SUGCT: variants seen among roughly 807,000 people sequenced by gnomAD.
SUGCT encodes succinyl-CoA:glutarate-CoA transferase.
In SUGCT, 41 loss-of-function variants were observed where a neutral mutation model predicts 55.0. The observed-to-expected ratio is 0.74, with a 90% CI of 0.58 to 0.97. The LOEUF is 0.97. Among genes scored for constraint, SUGCT ranks in the 50% least tolerant of loss-of-function variants. SUGCT has a pLI of 0.00. For missense variants in SUGCT, 568 were observed against 547.8 expected (o/e 1.04, Z -0.37); for synonymous variants, 187 against 200.4 (o/e 0.93, Z 0.56).
chr7:40,146,236 C>T (rs1788238543), intron 1 of SUGCT, among the ~76,000 whole-genome samples: 2 of 152,132 alleles, frequency 1.3e-5, no homozygotes, highest in Admixed American at 6.5e-5. Flanking sequence ...GGGCCATCCG[C>T]AGGTTACTGG....
chr7:40,179,676 T>C (rs1785090101), intron 1 of SUGCT, among the ~76,000 whole-genome samples: 1 of 152,218 alleles, frequency 6.6e-6, no homozygotes, highest in African/African-American at 2.4e-5. Flanking sequence ...CCAAGATGGC[T>C]TCATCCAGAT....
rs141037777 is a variant in SUGCT, at chr7:40,512,535, C to T, written c.1089+16149C>T. 3.0e-3 allele frequency among the ~76,000 whole-genome samples: 460 copies of T among 152,236 alleles called. 7 individuals are homozygous for T. The highest frequency in any genetic ancestry group is 0.028 in the East Asian group (147 of 5,188). ...ACTCAGTGGGTGACTTTGGGCATTA[C>T]TCAACTTCTATATGCCTCAGTTTTC... On this transcript the variant is annotated intron_variant, in intron 12 of 13. Coordinates refer to ENST00000335693, the MANE Select transcript of SUGCT (RefSeq NM_001193313.2).
the SUGCT span, among the ~76,000 whole-genome samples, chr7:41,016,922 A>G: frequency 2.6e-5 from 4 of 152,234 alleles, no homozygotes; most frequent in East Asian, 1.9e-4. Flanking sequence ...ATTCAATAGT[A>G]ACTACAAATC....
At chr7:40,174,240 C>T (rs1784817870) in intron 1 of SUGCT, among the ~76,000 whole-genome samples, 1 of 151,986 alleles carries the variant, frequency 6.6e-6, no homozygotes, top group Admixed American at 6.6e-5. Flanking sequence ...CCAGGCTGGT[C>T]TTGAACTCCT....
intron 11 of SUGCT, among the ~76,000 whole-genome samples, chr7:40,482,519 G>A (rs866213894): frequency 3.2e-4 from 49 of 151,734 alleles, no homozygotes; most frequent in Middle Eastern, 3.4e-3. Context: ...TAATAATTTG[G>A]TATTACTTTA....
intron 9 of SUGCT, among the ~76,000 whole-genome samples, chr7:40,394,793 T>A (rs1008900039): frequency 6.6e-6 from 1 of 152,246 alleles, no homozygotes; most frequent in African/African-American, 2.4e-5. Flanking sequence ...TTCTATTTTA[T>A]TTTTTATGCC....
At position 40,742,823 on chromosome 7, in the gene SUGCT, C is replaced by T. The variant is rs17171773; in HGVS notation, c.1090-6611C>T. 4.6e-3 allele frequency among the ~76,000 whole-genome samples: 704 copies of T among 152,272 alleles called. 21 individuals carry two copies. In the South Asian group the frequency reaches 0.073, roughly 16 times the overall value. On this transcript the variant is annotated intron_variant, in intron 12 of 13. Transcript: ENST00000335693. Reference sequence around the variant, plus strand: ...ATATATTCACTGTAAGTTTTGCCTTCAGTTATGTAACCTTTCAAATATTAT... The same window carrying T: ...ATATATTCACTGTAAGTTTTGCCTTTAGTTATGTAACCTTTCAAATATTAT...
intron 1 of SUGCT, among the ~76,000 whole-genome samples, chr7:40,174,016 C>G (rs1355720154): frequency 1.3e-5 from 2 of 150,752 alleles, no homozygotes; most frequent in African/African-American, 2.4e-5. Context: ...TCATGGCTCA[C>G]TGTATTTTTT....
chr7:40,721,088 T>A (rs1786305722), intron 12 of SUGCT, among the ~76,000 whole-genome samples: 1 of 152,244 alleles, frequency 6.6e-6, no homozygotes, highest in African/African-American at 2.4e-5. Flanking sequence ...AAGCCTTAAG[T>A]AAGCAGGTTC....
rs1562689549 is a variant in SUGCT at position 40,333,704 on chromosome 7, A to ATAT, written c.816+16849_816+16850insTAT. ...ATATATATATATATATATATATATA[A>ATAT]ATATTTATAAAATACACACATATAT... On this transcript the variant is annotated intron_variant, in intron 9 of 13. Coordinates refer to ENST00000335693, the MANE Select transcript of SUGCT (RefSeq NM_001193313.2). Among the ~76,000 whole-genome samples the ATAT allele has an allele frequency of 4.4e-3, 500 of 113,996 alleles. 8 individuals carry two copies. Among genetic ancestry groups the ATAT allele is most frequent in the Non-Finnish European group, 7.7e-3 (412 of 53,212 alleles). 74.8% of individuals were successfully genotyped at this position (113,996 alleles called of 152,430 possible).
chr7:41,016,728 G>T, the SUGCT span, among the ~76,000 whole-genome samples: 2 of 152,076 alleles, frequency 1.3e-5, no homozygotes, highest in South Asian at 2.1e-4. Flanking sequence ...AAGATGCCTT[G>T]GTCCCTCATT....
At chr7:40,819,228 G>A (rs188932612) in intron 13 of SUGCT, among the ~76,000 whole-genome samples, 2 of 152,238 alleles carry the variant, frequency 1.3e-5, no homozygotes, top group South Asian at 2.1e-4. Context: ...ATATGTGCAT[G>A]TGTCTTTATA....
intron 13 of SUGCT, among the ~76,000 whole-genome samples, chr7:40,793,906 C>T (rs1790432523): frequency 6.6e-6 from 1 of 152,064 alleles, no homozygotes; most frequent in South Asian, 2.1e-4. Flanking sequence ...TTGCAGTTTG[C>T]TAAATGTCTC....
At chr7:40,648,345 G>A (rs866581863) in intron 12 of SUGCT, among the ~76,000 whole-genome samples, 1 of 152,056 alleles carries the variant, frequency 6.6e-6, no homozygotes, top group African/African-American at 2.4e-5. Context: ...CAAAGTTTTA[G>A]TAGATTTTAA....
At chr7:40,454,886 ATGT>A (rs1789394096) in intron 10 of SUGCT, among the ~76,000 whole-genome samples, 3 of 152,186 alleles carry the variant, frequency 2.0e-5, no homozygotes, top group South Asian at 2.1e-4. Context: ...CAGAAGGTAA[ATGT>A]TGTCAGAAGG....
chr7:40,907,130 TGTGTGTGTGTGAGAGA>T, the SUGCT span, among the ~76,000 whole-genome samples: 46 of 112,386 alleles, frequency 4.1e-4, no homozygotes, highest in African/African-American at 6.6e-4. Context: ...TGTGTGTGTG[TGTGTGTGTGTGAGAGA>T]GAGAGAGAGA....
chr7:40,178,135 A>G (rs1344668749), intron 1 of SUGCT, among the ~76,000 whole-genome samples: 1 of 152,178 alleles, frequency 6.6e-6, no homozygotes, highest in Non-Finnish European at 1.5e-5. Flanking sequence ...CTTAAGTCTC[A>G]TTTAATTTGG....
At chr7:40,270,135 C>CAAAA (rs1186152626) in intron 7 of SUGCT, among the ~76,000 whole-genome samples, 2 of 66,656 alleles carry the variant, frequency 3.0e-5, no homozygotes, top group East Asian at 4.8e-4. Flanking sequence ...GACCCTTTCT[C>CAAAA]AAAAAAAAAA....
At chr7:40,854,626 A>C (rs575110125) in intron 13 of SUGCT, among the ~76,000 whole-genome samples, 24 of 152,138 alleles carry the variant, frequency 1.6e-4, no homozygotes, top group African/African-American at 4.8e-4. Flanking sequence ...TGGCCATACC[A>C]TTCTAGGTTT....
Sources: gnomAD v4.1 joint callset for allele counts (sites outside exome capture counted in the v4.1 genomes callset) on GRCh38, gnomAD v4.1.1 for gene constraint, MANE v1.5 for transcripts, NCBI Gene and HGNC (gene_info 2026-07-23, HGNC 2026-07-21) for gene names.